Variants in ZNF277 observed in about 807,000 individuals in gnomAD.
The protein encoded by ZNF277 is nuclear receptor-interacting factor 4.
Under a neutral mutation model 60.7 loss-of-function variants are expected in ZNF277, and 55 were observed. That is an observed-to-expected ratio of 0.91 (90% CI 0.73 to 1.13). ZNF277 has a LOEUF of 1.13. Ranked by LOEUF, ZNF277 falls within the 50% of genes most tolerant of loss-of-function variation. The probability of loss-of-function intolerance (pLI) is 0.00; values close to 1 mark genes in which losing one functional copy is unlikely to be tolerated. For synonymous variants in ZNF277, 178 were observed against 179.3 expected (o/e 0.99, Z 0.06); for missense variants, 510 against 523.0 (o/e 0.98, Z 0.24).
At chr7:112,335,566 A>G (rs1021055341) in intron 7 of ZNF277, among the ~76,000 whole-genome samples, 3 of 152,162 alleles carry the variant, frequency 2.0e-5, no homozygotes, top group African/African-American at 7.2e-5. Flanking sequence ...CTATTTCTTT[A>G]TAGACAGTAA....
chr7:112,264,999 CAA>C (rs1369678636), intron 1 of ZNF277, among the ~76,000 whole-genome samples: 1 of 152,166 alleles, frequency 6.6e-6, no homozygotes, highest in Non-Finnish European at 1.5e-5. Flanking sequence ...AATTTCTTAA[CAA>C]AAGACAACAA....
intron 1 of ZNF277, among the ~76,000 whole-genome samples, chr7:112,271,554 A>G (rs1368478866): frequency 6.6e-6 from 1 of 152,232 alleles, no homozygotes; most frequent in Non-Finnish European, 1.5e-5. Flanking sequence ...AAGACTGCTT[A>G]TAACTACATT....
intron 1 of ZNF277, among the ~76,000 whole-genome samples, chr7:112,250,622 C>T (rs528851620): frequency 7.1e-4 from 108 of 152,118 alleles, no homozygotes; most frequent in Non-Finnish European, 1.3e-3. Context: ...AGCTGGCCAA[C>T]GCTTCAGGAA....
At position 112,338,990 on chromosome 7, in the gene ZNF277, TCAAA is replaced by T. The variant is rs146660285; in HGVS notation, c.967-846_967-843del. ...ACATTTACACAGACAATTGCAGGTG[TCAAA>T]CAAACACGCAAAAAATAAGTGCATT... On this transcript the variant is annotated intron_variant, in intron 9 of 11. Transcript: ENST00000361822. Among the ~76,000 whole-genome samples the T allele has an allele frequency of 8.7e-4, 133 of 152,246 alleles. 2 individuals are homozygous for T. The East Asian group carries it at 0.023, about 26-fold the overall frequency.
chr7:112,229,424 C>T (rs1036231500), intron 1 of ZNF277, among the ~76,000 whole-genome samples: 18 of 152,304 alleles, frequency 1.2e-4, no homozygotes, highest in African/African-American at 3.6e-4. Flanking sequence ...CAAAGAGAAG[C>T]AGTGGTAGAT....
At chr7:112,338,762 G>A (rs1793382034) in intron 9 of ZNF277, among the ~76,000 whole-genome samples, 1 of 152,204 alleles carries the variant, frequency 6.6e-6, no homozygotes, top group African/African-American at 2.4e-5. Context: ...ATATCTTAAT[G>A]TCTTTGTATT....
intron 1 of ZNF277, among the ~76,000 whole-genome samples, chr7:112,216,098 G>A (rs1043189762): frequency 2.2e-4 from 33 of 152,220 alleles, no homozygotes; most frequent in Admixed American, 3.9e-4. Flanking sequence ...GAGAGTCTGC[G>A]GGCTTATTTG....
chr7:112,312,982 G>C (rs1181568155), intron 4 of ZNF277, among the ~76,000 whole-genome samples: 1 of 151,982 alleles, frequency 6.6e-6, no homozygotes, highest in Non-Finnish European at 1.5e-5. Context: ...ATGGTCAAAA[G>C]TATATGTTAT....
chr7:112,312,454 T>C (rs1279738328), intron 4 of ZNF277, among the ~76,000 whole-genome samples: 4 of 152,140 alleles, frequency 2.6e-5, no homozygotes, highest in Non-Finnish European at 5.9e-5. Flanking sequence ...TTACTTGTGA[T>C]GATAATGGTT....
At chr7:112,240,466 G>T (rs571272750) in intron 1 of ZNF277, among the ~76,000 whole-genome samples, 1 of 152,200 alleles carries the variant, frequency 6.6e-6, no homozygotes, top group East Asian at 1.9e-4. Flanking sequence ...TGAGGTGTTG[G>T]ATATCCCATT....
In ZNF277 at chr7:112,206,807, G is replaced by C; in HGVS notation, c.91G>C (p.Asp31His). ...CSTVGGVGYGDSKDCILEPLS... is the reference protein window; with the variant it reads ...CSTVGGVGYGHSKDCILEPLS... ...CACAGTCGGGGGTGTAGGTTATGGG[G>C]GTGAGTACGGTGCCCCGGAGGCGCG... The change falls in exon 1 of 12, where the codon GAC becomes CAC. Residue 31 changes from aspartate to histidine, a missense_variant and splice_region_variant. By Grantham distance (81) the Asp-to-His change is moderately conservative. Transcript: ENST00000361822. The C allele has an allele frequency of 6.2e-7, 1 of 1,612,754 alleles. No homozygotes were observed. The highest frequency in any genetic ancestry group is 1.7e-5 in the Admixed American group (1 of 59,898).
intron 2 of ZNF277, among the ~76,000 whole-genome samples, chr7:112,292,119 A>G (rs1458235675): frequency 6.6e-6 from 1 of 152,204 alleles, no homozygotes; most frequent in Non-Finnish European, 1.5e-5. Context: ...AATTGATGTC[A>G]GTAATTTCTT....
chr7:112,286,088 T>A (rs542867513), intron 1 of ZNF277, among the ~76,000 whole-genome samples: 1 of 152,284 alleles, frequency 6.6e-6, no homozygotes, highest in East Asian at 1.9e-4. Flanking sequence ...CTGGCTGTGG[T>A]TTTAGGCTCT....
intron 4 of ZNF277, among the ~76,000 whole-genome samples, chr7:112,313,023 G>C (rs1348190819): frequency 1.3e-5 from 2 of 151,948 alleles, no homozygotes; most frequent in Non-Finnish European, 2.9e-5. Context: ...AAATTTACAA[G>C]GCAAAAGTAC....
chr7:112,270,286 C>A (rs1462359690), intron 1 of ZNF277, among the ~76,000 whole-genome samples: 1 of 152,082 alleles, frequency 6.6e-6, no homozygotes, highest in Non-Finnish European at 1.5e-5. Context: ...AAATATCTAA[C>A]CCTGGGTATA....
At chr7:112,338,392 C>T (rs965858524) in intron 9 of ZNF277, among the ~76,000 whole-genome samples, 6 of 152,122 alleles carry the variant, frequency 3.9e-5, no homozygotes, top group African/African-American at 1.4e-4. Context: ...AGAGAGGACA[C>T]ACACCCTGCA....
chr7:112,311,446 G>A (rs1219405430), intron 4 of ZNF277, among the ~76,000 whole-genome samples: 2 of 152,068 alleles, frequency 1.3e-5, no homozygotes, highest in Admixed American at 6.6e-5. Context: ...AATGTATAAT[G>A]TCTGAGCCAT....
chr7:112,303,143 GT>G (rs1338344173), intron 4 of ZNF277, among the ~76,000 whole-genome samples: 1 of 151,794 alleles, frequency 6.6e-6, no homozygotes, highest in East Asian at 1.9e-4. Context: ...TAGAGACAGG[GT>G]TTAACCATGT....
rs147225631 is a variant in ZNF277 at position 112,317,165 on chromosome 7, G to A, written c.466-1017G>A. 1.3e-3 allele frequency among the ~76,000 whole-genome samples: 204 copies of A among 152,176 alleles called. 2 individuals are homozygous for A. The highest frequency in any genetic ancestry group is 4.6e-3 in the African/African-American group (192 of 41,542). ...AGGCCTATCAGGGGTTGAGGGGCTA[G>A]GGAAGGGATAATATTAGGAGAAATA... On this transcript the variant is annotated intron_variant, in intron 4 of 11. Transcript: ENST00000361822.
Sources: gnomAD v4.1 joint callset for allele counts (sites outside exome capture counted in the v4.1 genomes callset) on GRCh38, gnomAD v4.1.1 for gene constraint, MANE v1.5 for transcripts, NCBI Gene and HGNC (gene_info 2026-07-23, HGNC 2026-07-21) for gene names.